The following NRP1 variants were observed in gnomAD, a reference collection of about 807,000 sequenced individuals.
NRP1 encodes the protein neuropilin-1.
NRP1 carries 35 observed loss-of-function variants against 106.7 expected under a neutral mutation model. That is an observed-to-expected ratio of 0.33 (90% CI 0.25 to 0.43). The LOEUF (loss-of-function observed/expected upper bound fraction) is 0.43, where lower values mean the gene tolerates loss of function less well. Among genes scored for constraint, NRP1 ranks in the 20% least tolerant of loss-of-function variants. The probability of loss-of-function intolerance (pLI) is 1.00; values close to 1 mark genes in which losing one functional copy is unlikely to be tolerated. For synonymous variants in NRP1, 437 were observed against 417.9 expected (o/e 1.05, Z -0.56); for missense variants, 1,024 against 1,170.4 (o/e 0.87, Z 1.83).
chr10:33,193,717 G>A (rs1348827004), intron 12 of NRP1, among the ~76,000 whole-genome samples: 2 of 152,142 alleles, frequency 1.3e-5, no homozygotes, highest in Non-Finnish European at 2.9e-5. Context: ...AAAGTATCTC[G>A]CCTTCTGCTC....
intron 9 of NRP1, among the ~76,000 whole-genome samples, chr10:33,209,200 C>A (rs1169099159): frequency 1.3e-5 from 2 of 151,960 alleles, no homozygotes; most frequent in African/African-American, 4.8e-5. Context: ...AACCCCCATG[C>A]CTGGCCACAT....
intron 5 of NRP1, among the ~76,000 whole-genome samples, chr10:33,254,918 G>A (rs1842098515): frequency 6.6e-6 from 1 of 152,220 alleles, no homozygotes; most frequent in African/African-American, 2.4e-5. Context: ...TCCCTGGAGG[G>A]AGGGGCCTTC....
intron 8 of NRP1, among the ~76,000 whole-genome samples, chr10:33,216,792 C>A (rs1838814800): frequency 6.6e-6 from 1 of 152,082 alleles, no homozygotes; most frequent in Admixed American, 6.6e-5. Flanking sequence ...CTTTCTGCCT[C>A]CCCAGATTTT....
intron 4 of NRP1, among the ~76,000 whole-genome samples, chr10:33,263,252 G>A (rs888024154): frequency 6.6e-6 from 1 of 152,182 alleles, no homozygotes; most frequent in African/African-American, 2.4e-5. Context: ...TATAAAATGA[G>A]TGGTTTGATG....
intron 2 of NRP1, among the ~76,000 whole-genome samples, chr10:33,277,165 A>G (rs1336795107): frequency 6.6e-6 from 1 of 152,152 alleles, no homozygotes; most frequent in Non-Finnish European, 1.5e-5. Context: ...AATAACAGGA[A>G]AAATGCTTAT....
chr10:33,325,713 C>T (rs990292036), intron 2 of NRP1, among the ~76,000 whole-genome samples: 2 of 152,108 alleles, frequency 1.3e-5, no homozygotes, highest in Non-Finnish European at 2.9e-5. Context: ...AATTCTGAAA[C>T]GAATATCATC....
chr10:33,293,736 C>G (rs150033802), intron 2 of NRP1, among the ~76,000 whole-genome samples: 1 of 152,176 alleles, frequency 6.6e-6, no homozygotes, highest in Non-Finnish European at 1.5e-5. Flanking sequence ...AAAACGTGCT[C>G]GCGTGCATGC....
At chr10:33,266,592 G>T (rs1246123174) in intron 3 of NRP1, among the ~76,000 whole-genome samples, 1 of 152,150 alleles carries the variant, frequency 6.6e-6, no homozygotes, top group Admixed American at 6.5e-5. Flanking sequence ...CTCGCAAAAG[G>T]ACAATGGCAG....
At chr10:33,278,294 G>A (rs1843860639) in intron 2 of NRP1, among the ~76,000 whole-genome samples, 1 of 152,078 alleles carries the variant, frequency 6.6e-6, no homozygotes, top group African/African-American at 2.4e-5. Flanking sequence ...TTACTACATG[G>A]GAGGACTCAA....
intron 2 of NRP1, among the ~76,000 whole-genome samples, chr10:33,324,366 G>A (rs925952978): frequency 6.6e-6 from 1 of 152,116 alleles, no homozygotes; most frequent in Non-Finnish European, 1.5e-5. Context: ...CTCACATTGA[G>A]AAGTCACCAG....
chr10:33,317,905 G>A (rs1409068632), intron 2 of NRP1, among the ~76,000 whole-genome samples: 1 of 152,212 alleles, frequency 6.6e-6, no homozygotes, highest in African/African-American at 2.4e-5. Flanking sequence ...TTGTGTGTAT[G>A]TGCAGTGCCT....
At chr10:33,189,698 T>A (rs191076974) in intron 13 of NRP1, among the ~76,000 whole-genome samples, 122 of 152,340 alleles carry the variant, frequency 8.0e-4, no homozygotes, top group Admixed American at 4.2e-3. Flanking sequence ...GCAAATGGGA[T>A]GCCTTTCGAT....
In NRP1 at chr10:33,290,699, C is replaced by T. The variant is rs570259393; in HGVS notation, c.249-19843G>A. Among the ~76,000 whole-genome samples, 18 of 152,212 alleles carry T rather than the reference C, an allele frequency of 1.2e-4. No homozygotes were observed. The South Asian group carries it at 3.3e-3, about 28-fold the overall frequency. ...GTCATAAGTCTCTGTGGTTTGTGCACGCTTCAATTACCTCCGATTATTACA... is the reference window on the plus strand; with the variant it reads ...GTCATAAGTCTCTGTGGTTTGTGCATGCTTCAATTACCTCCGATTATTACA... On this transcript the variant is annotated intron_variant, in intron 2 of 16. Coordinates refer to ENST00000374867, the MANE Select transcript of NRP1 (RefSeq NM_003873.7).
intron 6 of NRP1, chr10:33,249,596 T>C (rs1168293034): frequency 2.1e-6 from 1 of 469,864 alleles, no homozygotes; most frequent in Admixed American, 2.5e-5. Flanking sequence ...GTAAAATTAA[T>C]AATAAGATCA....
At chr10:33,292,697 T>C (rs909856011) in intron 2 of NRP1, among the ~76,000 whole-genome samples, 3 of 152,136 alleles carry the variant, frequency 2.0e-5, no homozygotes, top group African/African-American at 7.2e-5. Context: ...CTGTCCTGTT[T>C]GTAAAACCTG....
intron 10 of NRP1, chr10:33,205,407 C>T (rs1187919300): frequency 1.3e-5 from 2 of 152,216 alleles, no homozygotes; most frequent in East Asian, 1.9e-4. Flanking sequence ...GTCCTCATTG[C>T]CTGCTGCCTA....
intron 2 of NRP1, among the ~76,000 whole-genome samples, chr10:33,284,957 G>A (rs1331859559): frequency 6.6e-6 from 1 of 152,176 alleles, no homozygotes; most frequent in Non-Finnish European, 1.5e-5. Flanking sequence ...AAAATTCAGG[G>A]AGAGAATCAA....
At chr10:33,216,169 G>A (rs1164613375) in intron 8 of NRP1, among the ~76,000 whole-genome samples, 6 of 140,094 alleles carry the variant, frequency 4.3e-5, no homozygotes, top group Non-Finnish European at 7.6e-5. Flanking sequence ...AAGGAGTCTC[G>A]CTCTGTCTCC....
chr10:33,249,760 C>T (rs1049249632), intron 6 of NRP1, among the ~76,000 whole-genome samples: 4 of 152,134 alleles, frequency 2.6e-5, no homozygotes, highest in African/African-American at 9.7e-5. Flanking sequence ...TGGCTGTGTG[C>T]AAACCTTCAC....
Sources: gnomAD v4.1 joint callset for allele counts (sites outside exome capture counted in the v4.1 genomes callset) on GRCh38, gnomAD v4.1.1 for gene constraint, MANE v1.5 for transcripts, NCBI Gene and HGNC (gene_info 2026-07-23, HGNC 2026-07-21) for gene names.